Variants in AGMO observed in about 807,000 individuals in gnomAD.
AGMO encodes the protein glyceryl-ether monooxygenase.
A neutral mutation model predicts 60.2 loss-of-function variants in AGMO; 75 were observed. That is an observed-to-expected ratio of 1.25 (90% CI 1.03 to 1.51). The LOEUF is 1.51. AGMO is among the 40% of genes most tolerant of loss of function. The pLI, the probability that AGMO is intolerant of heterozygous loss-of-function variation, is 0.00. For missense variants in AGMO, 763 were observed against 525.5 expected, an observed-to-expected ratio of 1.45 and a Z score of -4.42; for synonymous variants, 261 against 177.1, an observed-to-expected ratio of 1.47 and a Z score of -3.76.
intron 12 of AGMO, among the ~76,000 whole-genome samples, chr7:15,214,791 G>A (rs576168072): frequency 1.2e-4 from 19 of 152,124 alleles, no homozygotes; most frequent in African/African-American, 2.4e-4. Context: ...GTGGTAAGTC[G>A]TAAATCCTGA....
chr7:15,337,408 G>A (rs1781696292), intron 12 of AGMO, among the ~76,000 whole-genome samples: 1 of 152,088 alleles, frequency 6.6e-6, no homozygotes, highest in Admixed American at 6.6e-5. Context: ...AGGAATGACT[G>A]GCCATAAAAC....
At chr7:15,259,055 G>C (rs570305917) in intron 12 of AGMO, among the ~76,000 whole-genome samples, 7 of 152,080 alleles carry the variant, frequency 4.6e-5, no homozygotes, top group African/African-American at 1.7e-4. Context: ...TCCAAATTAA[G>C]AAGAAACCTC....
At chr7:15,181,408 C>G in the AGMO span, among the ~76,000 whole-genome samples, 48 of 152,320 alleles carry the variant, frequency 3.2e-4, no homozygotes, top group East Asian at 8.7e-3. Flanking sequence ...CCCTTCTACT[C>G]TCATTCTTCA....
chr7:15,196,241 G>T (rs2115457630), downstream of AGMO, among the ~76,000 whole-genome samples: 1 of 151,916 alleles, frequency 6.6e-6, no homozygotes, highest in South Asian at 2.1e-4. Context: ...TAGAGAAGGG[G>T]TTTCACCATA....
At chr7:15,392,718 G>A (rs1481948059) in intron 6 of AGMO, among the ~76,000 whole-genome samples, 1 of 152,088 alleles carries the variant, frequency 6.6e-6, no homozygotes, top group Non-Finnish European at 1.5e-5. Context: ...AGAATCACTT[G>A]AACCCGGTAG....
At chr7:15,264,688 C>A (rs1198898872) in intron 12 of AGMO, among the ~76,000 whole-genome samples, 2 of 152,090 alleles carry the variant, frequency 1.3e-5, no homozygotes, top group Admixed American at 1.3e-4. Context: ...AAGTGCTTAA[C>A]ACCACTAATG....
At chr7:15,209,570 T>A (rs79896655) in intron 12 of AGMO, among the ~76,000 whole-genome samples, 1 of 152,158 alleles carries the variant, frequency 6.6e-6, no homozygotes, top group Non-Finnish European at 1.5e-5. Flanking sequence ...CATACGCTAA[T>A]AGAAGGCCAG....
intron 3 of AGMO, among the ~76,000 whole-genome samples, chr7:15,537,984 C>A (rs370249304): frequency 5.0e-4 from 76 of 152,072 alleles, no homozygotes; most frequent in Middle Eastern, 3.4e-3. Context: ...CTGAAATAAA[C>A]TCAGAGGAAA....
intron 12 of AGMO, among the ~76,000 whole-genome samples, chr7:15,360,386 T>TA (rs1378316701): frequency 6.6e-6 from 1 of 152,226 alleles, no homozygotes; most frequent in Non-Finnish European, 1.5e-5. Context: ...ATGTAGCTAT[T>TA]AATCACCTAC....
chr7:15,341,564 C>T (rs1781848859), intron 12 of AGMO, among the ~76,000 whole-genome samples: 1 of 152,138 alleles, frequency 6.6e-6, no homozygotes, highest in African/African-American at 2.4e-5. Context: ...CTTCTGGGCC[C>T]TCCAAACTGT....
At chr7:15,147,167 A>G in the AGMO span, among the ~76,000 whole-genome samples, 2,506 of 152,192 alleles carry the variant, frequency 0.016, 43 homozygotes, top group Middle Eastern at 0.031. Context: ...TGCCAACCTT[A>G]GAAGAAGTGG....
At chr7:15,466,997 A>T (rs1782311327) in intron 3 of AGMO, among the ~76,000 whole-genome samples, 1 of 152,170 alleles carries the variant, frequency 6.6e-6, no homozygotes, top group African/African-American at 2.4e-5. Flanking sequence ...AAAATAAAAC[A>T]GTATTTAGTA....
intron 12 of AGMO, among the ~76,000 whole-genome samples, chr7:15,237,920 G>A (rs1435584319): frequency 1.3e-5 from 2 of 151,990 alleles, no homozygotes; most frequent in Admixed American, 1.3e-4. Flanking sequence ...CTTTCTCAGA[G>A]ATCCGTACCT....
At chr7:15,450,470 G>A (rs1448236677) in intron 3 of AGMO, among the ~76,000 whole-genome samples, 2 of 151,210 alleles carry the variant, frequency 1.3e-5, no homozygotes, top group Non-Finnish European at 2.9e-5. Context: ...TAAATTTACT[G>A]AAAATATTAA....
At chr7:15,186,771 T>C in the AGMO span, among the ~76,000 whole-genome samples, 5 of 152,170 alleles carry the variant, frequency 3.3e-5, no homozygotes, top group African/African-American at 9.7e-5. Flanking sequence ...TTTCTTTCAT[T>C]GTCTGCCGCC....
the AGMO span, among the ~76,000 whole-genome samples, chr7:15,131,978 C>T: frequency 6.6e-6 from 1 of 152,072 alleles, no homozygotes; most frequent in Non-Finnish European, 1.5e-5. Context: ...CAAGCTCCTG[C>T]TGGACTCACA....
chr7:15,499,005 T>C (rs962926458), intron 3 of AGMO, among the ~76,000 whole-genome samples: 1 of 151,942 alleles, frequency 6.6e-6, no homozygotes, highest in Admixed American at 6.6e-5. Flanking sequence ...TAGAAAATAT[T>C]AGCATGCATA....
intron 10 of AGMO, among the ~76,000 whole-genome samples, chr7:15,380,739 A>G (rs1269820384): frequency 6.6e-6 from 1 of 152,206 alleles, no homozygotes; most frequent in Non-Finnish European, 1.5e-5. Flanking sequence ...TCCTAAGTAA[A>G]AAGAACAAAG....
chr7:15,124,827 A>G, the AGMO span, among the ~76,000 whole-genome samples: 1 of 152,072 alleles, frequency 6.6e-6, no homozygotes, highest in Non-Finnish European at 1.5e-5. Flanking sequence ...GTTCCTGAAA[A>G]TAGTGCCTCC....
Sources: allele counts gnomAD v4.1 joint callset (sites outside exome capture counted in the v4.1 genomes callset), GRCh38; gene constraint gnomAD v4.1.1; transcripts MANE v1.5; gene names NCBI Gene and HGNC (gene_info 2026-07-23, HGNC 2026-07-21).